Variants in ICE1 observed in about 807,000 individuals in gnomAD.
ICE1 encodes the protein little elongation complex subunit 1.
A neutral mutation model predicts 192.7 loss-of-function variants in ICE1; 64 were observed. The observed-to-expected ratio is 0.33, with a 90% confidence interval of 0.27 to 0.41. The LOEUF is 0.41. ICE1 is among the 10% of genes least tolerant of loss of function. The probability of loss-of-function intolerance (pLI) is 1.00; values close to 1 mark genes in which losing one functional copy is unlikely to be tolerated. For synonymous variants in ICE1, 1,010 were observed against 984.5 expected, an observed-to-expected ratio of 1.03 and a Z score of -0.49; for missense variants, 2,708 against 2,696.0, an observed-to-expected ratio of 1.00 and a Z score of -0.10.
chr5:5,438,786 CTT>C (rs1737953544), intron 3 of ICE1, among the ~76,000 whole-genome samples: 1 of 152,144 alleles, frequency 6.6e-6, no homozygotes, highest in South Asian at 2.1e-4. Flanking sequence ...ACGGATAACA[CTT>C]TTGATTATTC....
intron 1 of ICE1, among the ~76,000 whole-genome samples, chr5:5,434,396 A>T (rs78437435): frequency 6.6e-6 from 1 of 152,260 alleles, no homozygotes; most frequent in East Asian, 1.9e-4. Flanking sequence ...AACTATTCAC[A>T]TAACACACCC....
intron 10 of ICE1, among the ~76,000 whole-genome samples, chr5:5,449,189 A>G (rs545842095): frequency 4.6e-5 from 7 of 151,986 alleles, no homozygotes; most frequent in African/African-American, 1.7e-4. Context: ...GTTTTTATCT[A>G]CCCTCTTAAT....
At chr5:5,473,823 A>G in intron 16 of ICE1, 75 bp downstream of exon 16, 1 of 1,126,432 alleles carries the variant, frequency 8.9e-7, no homozygotes, top group Non-Finnish European at 1.2e-6. Flanking sequence ...TTGTGGCTTG[A>G]ATCATTTTTG....
intron 12 of ICE1, among the ~76,000 whole-genome samples, chr5:5,459,251 T>TTA (rs1289915825): frequency 6.6e-6 from 1 of 152,164 alleles, no homozygotes; most frequent in Non-Finnish European, 1.5e-5. Flanking sequence ...TTGAAAAATG[T>TTA]TATGAGGTCA....
At chr5:5,467,491 T>G (rs1202652837) in intron 14 of ICE1, among the ~76,000 whole-genome samples, 1 of 152,216 alleles carries the variant, frequency 6.6e-6, no homozygotes, top group Non-Finnish European at 1.5e-5. Context: ...TCAACTCTTG[T>G]GTTTCACTCC....
chr5:5,484,679 C>G (rs191360339), intron 17 of ICE1, among the ~76,000 whole-genome samples: 1 of 152,162 alleles, frequency 6.6e-6, no homozygotes, highest in Non-Finnish European at 1.5e-5. Context: ...AATATTCAGG[C>G]TGCACGTACC....
At chr5:5,452,815 ATAAAT>A (rs977953816) in intron 10 of ICE1, among the ~76,000 whole-genome samples, 27 of 152,338 alleles carry the variant, frequency 1.8e-4, no homozygotes, top group African/African-American at 6.0e-4. Context: ...GAAGTAGAAA[ATAAAT>A]TAAATAAATA....
intron 1 of ICE1, among the ~76,000 whole-genome samples, chr5:5,432,900 G>C (rs569532892): frequency 6.6e-6 from 1 of 152,102 alleles, no homozygotes; most frequent in Non-Finnish European, 1.5e-5. Flanking sequence ...TCACACTGCA[G>C]GTCTGTCTCA....
intron 10 of ICE1, among the ~76,000 whole-genome samples, chr5:5,450,049 G>T (rs1321927348): frequency 6.6e-6 from 1 of 152,190 alleles, no homozygotes; most frequent in East Asian, 1.9e-4. Flanking sequence ...CACTTTGTCT[G>T]CCAAAGATGT....
At chr5:5,439,727 A>T (rs1039733282) in intron 3 of ICE1, among the ~76,000 whole-genome samples, 168 bp from the exon 4 acceptor site, 1 of 152,214 alleles carries the variant, frequency 6.6e-6, no homozygotes, top group Admixed American at 6.5e-5. Flanking sequence ...CAGTAAAAAG[A>T]CTTACCACTG....
intron 17 of ICE1, among the ~76,000 whole-genome samples, chr5:5,476,599 C>A (rs534598436): frequency 6.6e-6 from 1 of 152,232 alleles, no homozygotes; most frequent in East Asian, 1.9e-4. Context: ...AGATACATCA[C>A]ATATGGAAAG....
chr5:5,470,385 G>A (rs183066894), intron 15 of ICE1, among the ~76,000 whole-genome samples: 36 of 152,262 alleles, frequency 2.4e-4, no homozygotes, highest in Admixed American at 1.1e-3. Context: ...CACCTGTTCA[G>A]AATTAAGCAG....
intron 16 of ICE1, 35 bp from the exon 17 acceptor site, chr5:5,475,938 A>G (rs958525543): frequency 2.4e-6 from 3 of 1,225,610 alleles, no homozygotes; most frequent in Non-Finnish European, 3.6e-6. Flanking sequence ...TTGAGTGATG[A>G]TGAGCATACA....
intron 18 of ICE1, 27 bp from the exon 19 acceptor site, chr5:5,489,122 T>G (rs773486297): frequency 1.9e-6 from 3 of 1,605,990 alleles, no homozygotes; most frequent in Non-Finnish European, 2.6e-6. Flanking sequence ...TTTCTTGTTT[T>G]ATGACTGATC....
rs1738853845 is a variant in ICE1, at chr5:5,463,157, G to C, written c.3823G>C (p.Glu1275Gln). The C allele has an allele frequency of 6.2e-7, 1 of 1,612,248 alleles. No individual in the cohort carries two copies. The highest frequency in any genetic ancestry group is 1.3e-5 in the African/African-American group (1 of 74,864). Residue 1275 changes from glutamate to glutamine, a missense_variant, in exon 13 of 19, where the codon GAA (glutamate) becomes CAA (glutamine). Glu to Gln is a conservative substitution (Grantham distance 29). Coordinates refer to ENST00000296564, the MANE Select transcript of ICE1 (RefSeq NM_015325.3). Reference sequence around the variant, plus strand: ...TAGGCAAGAACTTCAAACAAATTCTGAAGATTGCAATGGTAAAGATACTGG... The same window carrying C: ...TAGGCAAGAACTTCAAACAAATTCTCAAGATTGCAATGGTAAAGATACTGG... ...KIRQELQTNS[E>Q]DCNGKDTGSL...
chr5:5,441,337 A>G (rs1738047485), intron 5 of ICE1, 114 bp downstream of exon 5: 2 of 652,794 alleles, frequency 3.1e-6, no homozygotes, highest in Admixed American at 5.5e-5. Context: ...AGGCTAGTCA[A>G]GACTCTCAGT....
intron 7 of ICE1, among the ~76,000 whole-genome samples, chr5:5,445,569 C>A (rs1478880122): frequency 6.6e-6 from 1 of 151,696 alleles, no homozygotes; most frequent in African/African-American, 2.4e-5. Context: ...GCATCTGGGA[C>A]TACAGGCACG....
chr5:5,460,084 C>T (rs1407702282), intron 12 of ICE1, among the ~76,000 whole-genome samples: 1 of 152,142 alleles, frequency 6.6e-6, no homozygotes, highest in Non-Finnish European at 1.5e-5. Context: ...CAACCTGGGT[C>T]AGAGCCTTTG....
intron 15 of ICE1, among the ~76,000 whole-genome samples, chr5:5,471,114 C>T (rs1229810391): frequency 6.6e-6 from 1 of 151,980 alleles, no homozygotes; most frequent in Non-Finnish European, 1.5e-5. Context: ...TAAAAAATGC[C>T]AGCAACATAG....
Sources: allele counts gnomAD v4.1 joint callset (sites outside exome capture counted in the v4.1 genomes callset), GRCh38; gene constraint gnomAD v4.1.1; transcripts MANE v1.5; gene names NCBI Gene and HGNC (gene_info 2026-07-23, HGNC 2026-07-21).